Variants in VTA1 observed in about 807,000 individuals in gnomAD.
The protein encoded by VTA1 is vesicle trafficking 1.
Under a neutral mutation model 36.9 loss-of-function variants are expected in VTA1, and 24 were observed. The ratio of observed to expected loss-of-function variants is 0.65; its 90% confidence interval spans 0.47 to 0.91. VTA1 has a LOEUF of 0.91. VTA1 is among the 40% of genes least tolerant of loss of function. The probability of loss-of-function intolerance (pLI) is 0.00; values close to 1 mark genes in which losing one functional copy is unlikely to be tolerated. For synonymous variants in VTA1, 142 were observed against 130.2 expected, an observed-to-expected ratio of 1.09 and a Z score of -0.62; for missense variants, 393 against 377.2, an observed-to-expected ratio of 1.04 and a Z score of -0.35.
chr6:142,204,370 T>G (rs1775746666), intron 7 of VTA1, among the ~76,000 whole-genome samples: 1 of 152,172 alleles, frequency 6.6e-6, no homozygotes, highest in South Asian at 2.1e-4. Flanking sequence ...TATGCTAGAT[T>G]ATATTAATTT....
intron 7 of VTA1, among the ~76,000 whole-genome samples, chr6:142,215,970 T>G (rs1007929080): frequency 6.6e-6 from 1 of 152,198 alleles, no homozygotes; most frequent in African/African-American, 2.4e-5. Flanking sequence ...AGCCCTCTTA[T>G]ATATAGATGG....
Position 142,224,541 on chromosome 6 carries a change from T to C in VTA1, c.*5898T>C, listed in dbSNP as rs1403524851. ...TGTGTCTCCCTCATTAGATGCTAAG[T>C]TCCTTGATATTTTATACATTTGTGA... On this transcript the variant is annotated 3_prime_UTR_variant, in exon 8 of 8. Coordinates refer to ENST00000367630, the MANE Select transcript of VTA1 (RefSeq NM_016485.5). 1 of 152,182 alleles carries C rather than the reference T, an allele frequency of 6.6e-6. No individual in the cohort carries two copies. Among genetic ancestry groups the C allele is most frequent in the African/African-American group, 2.4e-5 (1 of 41,444 alleles). The allele number at this position is 152,182 out of a possible 1,614,324, so 9.4% of individuals were successfully genotyped here.
In VTA1 at chr6:142,222,566, A is replaced by G. The variant is rs1179009028; in HGVS notation, c.*3923A>G. 2.3e-5 allele frequency: 2 copies of G among 87,228 alleles called. No homozygotes were observed. Among genetic ancestry groups the G allele is most frequent in the East Asian group, 2.3e-4 (1 of 4,368 alleles). 5.4% of individuals were successfully genotyped at this position (87,228 alleles called of 1,614,324 possible). A position where few individuals can be genotyped will look rare whatever the true frequency, so the allele number is the denominator to read the frequency against. On this transcript the variant is annotated 3_prime_UTR_variant, in exon 8 of 8. Transcript: ENST00000367630. Reference sequence around the variant, plus strand: ...TTCTATGTATGCATTGAAAGATTATATACTGTCTTTTCTAAAGAAACACCC... The same window carrying G: ...TTCTATGTATGCATTGAAAGATTATGTACTGTCTTTTCTAAAGAAACACCC...
chr6:142,167,810 G>A (rs1030149885), intron 2 of VTA1, among the ~76,000 whole-genome samples: 1 of 152,180 alleles, frequency 6.6e-6, no homozygotes, highest in African/African-American at 2.4e-5. Context: ...ATAAATTTGA[G>A]TACTCTCTTT....
At chr6:142,178,334 C>A (rs1775165203) in intron 4 of VTA1, among the ~76,000 whole-genome samples, 1 of 152,060 alleles carries the variant, frequency 6.6e-6, no homozygotes, top group Admixed American at 6.5e-5. Context: ...AAAACCCTGT[C>A]AACTCAGAAT....
At chr6:142,196,476 G>A (rs187762613) in intron 5 of VTA1, among the ~76,000 whole-genome samples, 2 of 152,284 alleles carry the variant, frequency 1.3e-5, no homozygotes, top group East Asian at 3.9e-4. Flanking sequence ...CCCTGTGTGA[G>A]AAATAGTGTT....
At chr6:142,180,083 T>A (rs1270237097) in intron 4 of VTA1, among the ~76,000 whole-genome samples, 3 of 152,266 alleles carry the variant, frequency 2.0e-5, no homozygotes, top group African/African-American at 7.2e-5. Flanking sequence ...ATCTGTATAC[T>A]CTGCTAGGAG....
chr6:142,192,841 A>T (rs1055852941), intron 5 of VTA1, among the ~76,000 whole-genome samples: 4 of 152,060 alleles, frequency 2.6e-5, no homozygotes, highest in Non-Finnish European at 4.4e-5. Context: ...TTATATATAT[A>T]TTTTGAAGTA....
intron 1 of VTA1, among the ~76,000 whole-genome samples, chr6:142,149,446 T>C (rs538283341): frequency 3.0e-4 from 46 of 152,300 alleles, no homozygotes; most frequent in African/African-American, 1.0e-3. Context: ...GGGTGTGAAA[T>C]GGTGGTGTCT....
At position 142,189,539 on chromosome 6, in the gene VTA1, GTATTTATT is replaced by G. The variant is rs3830800; in HGVS notation, c.520+10_520+17del. ...TTGGAATTGAAGAAGATAATGGTAT[GTATTTATT>G]TATTCTGAGTAAAAGGACTTAGTAG... On this transcript the variant is annotated splice_donor_region_variant and intron_variant, in intron 5 of 7. Coordinates refer to ENST00000367630, the MANE Select transcript of VTA1 (RefSeq NM_016485.5). The G allele has an allele frequency of 1.1e-5, 18 of 1,593,784 alleles. 1 individual carries two copies. In the South Asian group the frequency reaches 2.0e-4, roughly 18 times the overall value.
At chr6:142,207,195 C>T (rs1222513193) in intron 7 of VTA1, among the ~76,000 whole-genome samples, 1 of 152,140 alleles carries the variant, frequency 6.6e-6, no homozygotes, top group Non-Finnish European at 1.5e-5. Flanking sequence ...CTGCCCTACC[C>T]TTATGCCCAC....
Position 142,151,319 on chromosome 6 carries a change from C to G in VTA1, c.112+3920C>G, listed in dbSNP as rs538716641. 1.2e-3 allele frequency among the ~76,000 whole-genome samples: 181 copies of G among 152,186 alleles called. 1 individual carries two copies. The highest frequency in any genetic ancestry group is 4.1e-3 in the African/African-American group (172 of 41,506). On this transcript the variant is annotated intron_variant, in intron 1 of 7. Coordinates refer to ENST00000367630, the MANE Select transcript of VTA1 (RefSeq NM_016485.5). ...TAAGGGTAATGCCTTATGTTAAAAC[C>G]GGTCCTGTGTTGCAGTATTCTGAAT...
At chr6:142,161,105 A>G (rs1223136094) in intron 1 of VTA1, among the ~76,000 whole-genome samples, 2 of 131,828 alleles carry the variant, frequency 1.5e-5, no homozygotes, top group Admixed American at 8.6e-5. Flanking sequence ...TTTGGGTCAA[A>G]TAGTGTGCCT....
intron 6 of VTA1, among the ~76,000 whole-genome samples, chr6:142,199,501 CCT>C (rs1775636385): frequency 1.3e-5 from 2 of 152,146 alleles, no homozygotes; most frequent in East Asian, 3.9e-4. Flanking sequence ...TCCTTCATGC[CCT>C]GATTTCTACT....
chr6:142,199,282 A>G (rs887304159), intron 6 of VTA1, among the ~76,000 whole-genome samples: 8 of 152,152 alleles, frequency 5.3e-5, no homozygotes, highest in Admixed American at 5.2e-4. Context: ...GTCAGTAAAG[A>G]CACTTTGACA....
chr6:142,211,743 C>T (rs1775908847), intron 7 of VTA1, among the ~76,000 whole-genome samples: 1 of 151,448 alleles, frequency 6.6e-6, no homozygotes, highest in African/African-American at 2.4e-5. Context: ...AAGGACAAGC[C>T]ACAGACTGAG....
intron 4 of VTA1, among the ~76,000 whole-genome samples, chr6:142,175,448 C>G (rs1487735955): frequency 2.0e-5 from 3 of 152,014 alleles, no homozygotes; most frequent in Non-Finnish European, 4.4e-5. Flanking sequence ...CTCTTCAGGT[C>G]TCACCTATAT....
intron 4 of VTA1, among the ~76,000 whole-genome samples, chr6:142,175,364 C>A (rs116779006): frequency 1.1e-3 from 170 of 151,946 alleles, no homozygotes; most frequent in African/African-American, 3.9e-3. Context: ...CTTTGTAGAC[C>A]AGGCTGCTCA....
chr6:142,155,294 A>G (rs1175800853), intron 1 of VTA1, among the ~76,000 whole-genome samples: 1 of 152,142 alleles, frequency 6.6e-6, no homozygotes. Flanking sequence ...TAATTCAGTA[A>G]TTCCAGTTTG....
Sources: gnomAD v4.1 joint callset for allele counts (sites outside exome capture counted in the v4.1 genomes callset) on GRCh38, gnomAD v4.1.1 for gene constraint, MANE v1.5 for transcripts, NCBI Gene and HGNC (gene_info 2026-07-23, HGNC 2026-07-21) for gene names.